The following CEP85L variants were observed in gnomAD, a reference collection of about 807,000 sequenced individuals.
The protein encoded by CEP85L is centrosomal protein 85L.
A neutral mutation model predicts 100.3 loss-of-function variants in CEP85L; 60 were observed. The ratio of observed to expected loss-of-function variants is 0.60; its 90% CI spans 0.49 to 0.74. The LOEUF (loss-of-function observed/expected upper bound fraction) is 0.74, where lower values mean the gene tolerates loss of function less well. CEP85L is among the 30% of genes least tolerant of loss of function. CEP85L has a pLI of 0.00. For synonymous variants in CEP85L, 319 were observed against 322.7 expected (o/e 0.99, Z 0.12); for missense variants, 973 against 936.2 (o/e 1.04, Z -0.51).
At chr6:118,489,664 G>A (rs1192021012) in intron 6 of CEP85L, among the ~76,000 whole-genome samples, 2 of 152,140 alleles carry the variant, frequency 1.3e-5, no homozygotes, top group Non-Finnish European at 2.9e-5. Context: ...GCAAGGATGT[G>A]GAGAAAGGGG....
chr6:118,573,388 T>G (rs1005427505), intron 2 of CEP85L, among the ~76,000 whole-genome samples: 1 of 152,196 alleles, frequency 6.6e-6, no homozygotes, highest in African/African-American at 2.4e-5. Context: ...AAAACAGAAT[T>G]TGGAGACTCA....
intron 1 of CEP85L, among the ~76,000 whole-genome samples, chr6:118,706,842 C>T (rs1391955537): frequency 1.3e-5 from 2 of 152,154 alleles, no homozygotes; most frequent in Non-Finnish European, 2.9e-5. Flanking sequence ...AGCTACTCTT[C>T]CCACACCCCA....
intron 2 of CEP85L, among the ~76,000 whole-genome samples, chr6:118,591,676 A>G (rs1252609442): frequency 2.6e-5 from 4 of 152,182 alleles, no homozygotes; most frequent in African/African-American, 7.2e-5. Context: ...TTCTGTAACC[A>G]GATTCTTGAG....
chr6:118,684,269 T>C (rs888931727), intron 1 of CEP85L, among the ~76,000 whole-genome samples: 2 of 152,216 alleles, frequency 1.3e-5, no homozygotes, highest in Non-Finnish European at 2.9e-5. Flanking sequence ...GTTTTCATTA[T>C]TGTGGCCTAA....
At chr6:118,633,208 CTTT>C in intron 1 of CEP85L, among the ~76,000 whole-genome samples, 1 of 144,610 alleles carries the variant, frequency 6.9e-6, no homozygotes, top group East Asian at 2.0e-4. Context: ...CTTGATTTGT[CTTT>C]TTTTTTTTTT....
intron 1 of CEP85L, among the ~76,000 whole-genome samples, chr6:118,645,762 T>C (rs559110647): frequency 6.6e-5 from 10 of 152,344 alleles, no homozygotes; most frequent in Middle Eastern, 3.4e-3. Context: ...ACCTTATCTT[T>C]CTTGTTCAAT....
At chr6:118,662,535 G>A (rs937813077) in intron 1 of CEP85L, among the ~76,000 whole-genome samples, 237 of 138,646 alleles carry the variant, frequency 1.7e-3, no homozygotes, top group East Asian at 2.3e-3. Flanking sequence ...CATCTCAAAA[G>A]AAAAAAAAAA....
chr6:118,659,394 G>A (rs768528843), intron 1 of CEP85L, among the ~76,000 whole-genome samples: 14 of 152,040 alleles, frequency 9.2e-5, no homozygotes, highest in Non-Finnish European at 1.8e-4. Flanking sequence ...AATTAATTAG[G>A]TACTTTTTTC....
chr6:118,690,475 T>C (rs1277935560), intron 1 of CEP85L, among the ~76,000 whole-genome samples: 1 of 143,298 alleles, frequency 7.0e-6, no homozygotes, highest in Admixed American at 7.5e-5. Flanking sequence ...TCCACAGGAG[T>C]GAGTCCATCA....
At chr6:118,532,563 G>A (rs898498863) in intron 3 of CEP85L, among the ~76,000 whole-genome samples, 3 of 152,084 alleles carry the variant, frequency 2.0e-5, no homozygotes, top group Admixed American at 2.0e-4. Flanking sequence ...AAACTGTACT[G>A]TGTTTTATAC....
At chr6:118,551,570 G>T (rs949255182) in intron 3 of CEP85L, among the ~76,000 whole-genome samples, 2 of 151,930 alleles carry the variant, frequency 1.3e-5, no homozygotes, top group Non-Finnish European at 2.9e-5. Flanking sequence ...AGACAATATA[G>T]CAACAGCAAT....
intron 5 of CEP85L, among the ~76,000 whole-genome samples, chr6:118,493,648 G>A (rs969450208): frequency 6.6e-6 from 1 of 152,138 alleles, no homozygotes; most frequent in Non-Finnish European, 1.5e-5. Flanking sequence ...ATTTAAAGAT[G>A]TAAATGGAAA....
intron 2 of CEP85L, among the ~76,000 whole-genome samples, chr6:118,590,779 A>T (rs1012019756): frequency 2.6e-5 from 4 of 152,152 alleles, no homozygotes; most frequent in African/African-American, 9.7e-5. Context: ...TGCATAGAAC[A>T]TCACTACCCT....
intron 5 of CEP85L, among the ~76,000 whole-genome samples, chr6:118,493,770 T>TAA (rs1774724826): frequency 6.6e-6 from 1 of 152,116 alleles, no homozygotes; most frequent in South Asian, 2.1e-4. Context: ...GAAAAATAGG[T>TAA]TATACTTAAG....
At chr6:118,512,408 G>A (rs1776024831) in intron 4 of CEP85L, among the ~76,000 whole-genome samples, 1 of 152,168 alleles carries the variant, frequency 6.6e-6, no homozygotes, top group African/African-American at 2.4e-5. Flanking sequence ...GGGTGCCTTG[G>A]AATTACTGGC....
intron 5 of CEP85L, among the ~76,000 whole-genome samples, chr6:118,499,162 A>G (rs1313067728): frequency 6.6e-6 from 1 of 152,224 alleles, no homozygotes; most frequent in African/African-American, 2.4e-5. Flanking sequence ...AAAAGGATCT[A>G]AAATAAATCA....
chr6:118,556,530 C>A (rs1029114860), intron 3 of CEP85L, among the ~76,000 whole-genome samples: 1 of 152,164 alleles, frequency 6.6e-6, no homozygotes, highest in Admixed American at 6.5e-5. Flanking sequence ...ACTAGTCATG[C>A]CTGATACTTA....
intron 2 of CEP85L, among the ~76,000 whole-genome samples, chr6:118,571,913 AG>A (rs1779912229): frequency 6.6e-6 from 1 of 152,070 alleles, no homozygotes; most frequent in Non-Finnish European, 1.5e-5. Context: ...CTGGAGTGCA[AG>A]GGAACAATCT....
At chr6:118,542,461 C>A (rs556451024) in intron 3 of CEP85L, among the ~76,000 whole-genome samples, 5 of 152,192 alleles carry the variant, frequency 3.3e-5, no homozygotes, top group African/African-American at 7.2e-5. Flanking sequence ...AAATTAATAG[C>A]TACTTTCAAA....
Sources: gnomAD v4.1 joint callset for allele counts (sites outside exome capture counted in the v4.1 genomes callset) on GRCh38, gnomAD v4.1.1 for gene constraint, MANE v1.5 for transcripts, NCBI Gene and HGNC (gene_info 2026-07-23, HGNC 2026-07-21) for gene names.